Variants in SLC17A1 observed in about 807,000 individuals in gnomAD.
SLC17A1 encodes the protein solute carrier family 17 member 1, also known as sodium-dependent phosphate transport protein 1.
Under a neutral mutation model 53.5 loss-of-function variants are expected in SLC17A1, and 51 were observed. The ratio of observed to expected loss-of-function variants is 0.95; its 90% confidence interval spans 0.76 to 1.20. The LOEUF (loss-of-function observed/expected upper bound fraction) is 1.20. SLC17A1 is among the 50% of genes most tolerant of loss of function. SLC17A1 has a pLI of 0.00. For missense variants in SLC17A1, 538 were observed against 568.2 expected (o/e 0.95, Z 0.54); for synonymous variants, 179 against 198.8 (o/e 0.90, Z 0.84).
intron 10 of SLC17A1, among the ~76,000 whole-genome samples, chr6:25,804,702 C>T (rs577882772): frequency 3.0e-4 from 46 of 152,026 alleles, no homozygotes; most frequent in African/African-American, 1.1e-3. Context: ...ATCTTACACA[C>T]AAATGGAAAC....
chr6:25,733,889 A>G, the SLC17A1 span, among the ~76,000 whole-genome samples: 32 of 150,998 alleles, frequency 2.1e-4, no homozygotes, highest in African/African-American at 6.8e-4. Flanking sequence ...GTACAATCTC[A>G]TTGCAACCTC....
At chr6:25,822,510 T>C (rs1446618859) in intron 3 of SLC17A1, among the ~76,000 whole-genome samples, 1 of 152,222 alleles carries the variant, frequency 6.6e-6, no homozygotes, top group Non-Finnish European at 1.5e-5. Context: ...ATTTCTTCAT[T>C]TTTAAATGTA....
At position 25,819,901 on chromosome 6, in the gene SLC17A1, A is replaced by G. The variant is rs771431042; in HGVS notation, c.222T>C (p.Asn74=). The G allele has an allele frequency of 6.2e-6, 10 of 1,609,966 alleles. No homozygotes were observed. In the Admixed American group the frequency reaches 1.2e-4, roughly 19 times the overall value. The change falls in exon 4 of 13, where the codon AAT becomes AAC. Residue 74 remains asparagine (N), a synonymous_variant. Coordinates refer to ENST00000244527, the MANE Select transcript of SLC17A1 (RefSeq NM_005074.5). ...TGATTCCCTGGATATCTGGGCTCCA[A>G]TTATACATAGGGTTCTAAAAGACAA... is the stretch of plus-strand genomic sequence containing the variant. The part of the protein sequence containing the change: ...LLDNIKNPMY[N]WSPDIQGIIL...
chr6:25,727,948 C>T, the SLC17A1 span, among the ~76,000 whole-genome samples: 37,161 of 151,270 alleles, frequency 0.25, 4,704 homozygotes, highest in Middle Eastern at 0.28. Flanking sequence ...ACCCAGGAGC[C>T]GGAGATTGCA....
intron 10 of SLC17A1, among the ~76,000 whole-genome samples, chr6:25,809,183 G>A (rs1764062169): frequency 2.0e-5 from 3 of 151,962 alleles, no homozygotes; most frequent in Non-Finnish European, 4.4e-5. Context: ...CAGTTATAAA[G>A]TAAGAACTAA....
intron 3 of SLC17A1, among the ~76,000 whole-genome samples, chr6:25,825,045 G>A (rs1191005051): frequency 6.6e-6 from 1 of 151,818 alleles, no homozygotes. Flanking sequence ...TTTGATTTGT[G>A]TTTTCATGGT....
the SLC17A1 span, chr6:25,771,026 T>C: frequency 6.2e-7 from 1 of 1,604,166 alleles, no homozygotes; most frequent in Non-Finnish European, 8.5e-7. Flanking sequence ...AGTGTGCTTT[T>C]CAAATCTCCA....
At chr6:25,759,955 T>C in the SLC17A1 span, among the ~76,000 whole-genome samples, 1 of 152,228 alleles carries the variant, frequency 6.6e-6, no homozygotes, top group Admixed American at 6.5e-5. Context: ...TTTACAAATA[T>C]TGCTTTAAGG....
the SLC17A1 span, chr6:25,726,422 GA>G: frequency 6.2e-7 from 1 of 1,614,036 alleles, no homozygotes; most frequent in Non-Finnish European, 8.5e-7. Flanking sequence ...TTTCCCTTAC[GA>G]AGCAGACGAT....
intron 3 of SLC17A1, among the ~76,000 whole-genome samples, chr6:25,826,251 A>G (rs1764735777): frequency 6.6e-6 from 1 of 152,104 alleles, no homozygotes; most frequent in Non-Finnish European, 1.5e-5. Context: ...TCTCTCTCAC[A>G]TAGAAGGATT....
the SLC17A1 span, chr6:25,777,731 G>A: frequency 3.6e-6 from 2 of 557,596 alleles, no homozygotes; most frequent in East Asian, 5.8e-5. Context: ...CTAATCATTG[G>A]TCAGTACATT....
chr6:25,791,896 T>TA (rs1439825093), intron 12 of SLC17A1, among the ~76,000 whole-genome samples: 1 of 152,236 alleles, frequency 6.6e-6, no homozygotes, highest in Non-Finnish European at 1.5e-5. Flanking sequence ...TCCTACTACT[T>TA]ACGTGGCTTC....
chr6:25,733,659 G>T, the SLC17A1 span, among the ~76,000 whole-genome samples: 1 of 151,586 alleles, frequency 6.6e-6, no homozygotes, highest in South Asian at 2.1e-4. Flanking sequence ...ATTAGCCTTT[G>T]GTTTGAGATA....
At chr6:25,751,964 T>C in the SLC17A1 span, among the ~76,000 whole-genome samples, 4 of 152,236 alleles carry the variant, frequency 2.6e-5, no homozygotes, top group Admixed American at 2.0e-4. Flanking sequence ...TTTTTGTTCC[T>C]ATATGCCTTA....
At chr6:25,748,663 T>C in the SLC17A1 span, among the ~76,000 whole-genome samples, 6 of 152,186 alleles carry the variant, frequency 3.9e-5, no homozygotes, top group African/African-American at 1.2e-4. Flanking sequence ...TCAGTATTTA[T>C]TGATTACTGT....
chr6:25,762,190 A>G, the SLC17A1 span: 1 of 675,454 alleles, frequency 1.5e-6, no homozygotes, highest in Non-Finnish European at 2.5e-6. Context: ...CCAATTGCCA[A>G]TAATTCTATA....
the SLC17A1 span, chr6:25,773,427 G>T: frequency 6.2e-7 from 1 of 1,612,436 alleles, no homozygotes; most frequent in Non-Finnish European, 8.5e-7. Context: ...ATTTCTCTAT[G>T]TCCCTCTAGA....
chr6:25,761,706 C>T, the SLC17A1 span, among the ~76,000 whole-genome samples: 3 of 152,138 alleles, frequency 2.0e-5, no homozygotes, highest in South Asian at 6.2e-4. Flanking sequence ...GGCCAGATTT[C>T]TCACTTGCGA....
the SLC17A1 span, chr6:25,726,237 A>G: frequency 4.3e-6 from 7 of 1,613,444 alleles, no homozygotes; most frequent in African/African-American, 6.7e-5. Flanking sequence ...CGCCGCCCAA[A>G]AGCTTATTGA....
Sources: allele counts gnomAD v4.1 joint callset (sites outside exome capture counted in the v4.1 genomes callset), GRCh38; gene constraint gnomAD v4.1.1; transcripts MANE v1.5; gene names NCBI Gene and HGNC (gene_info 2026-07-23, HGNC 2026-07-21).